Variants in FLT1 observed in about 807,000 individuals in gnomAD.
FLT1 encodes the protein fms related receptor tyrosine kinase 1.
Under a neutral mutation model 156.3 loss-of-function variants are expected in FLT1, and 49 were observed. The ratio of observed to expected loss-of-function variants is 0.31; its 90% CI spans 0.25 to 0.40. FLT1 has a LOEUF of 0.40. Among genes scored for constraint, FLT1 ranks in the 10% least tolerant of loss-of-function variants. The probability of loss-of-function intolerance (pLI) is 1.00; values close to 1 mark genes in which losing one functional copy is unlikely to be tolerated. For missense variants in FLT1, 1,322 were observed against 1,637.2 expected, an observed-to-expected ratio of 0.81 and a Z score of 3.32; for synonymous variants, 594 against 583.8, an observed-to-expected ratio of 1.02 and a Z score of -0.25.
chr13:28,371,822 G>A (rs1873582568), intron 14 of FLT1, among the ~76,000 whole-genome samples: 1 of 151,902 alleles, frequency 6.6e-6, no homozygotes, highest in Admixed American at 6.6e-5. Context: ...ATAATCTGAG[G>A]TGTCAGGCAT....
intron 10 of FLT1, among the ~76,000 whole-genome samples, chr13:28,416,773 T>C (rs1372807898): frequency 6.6e-6 from 1 of 152,214 alleles, no homozygotes; most frequent in Admixed American, 6.5e-5. Flanking sequence ...GTACCAATTT[T>C]TGTTTTCCTC....
At position 28,439,952 on chromosome 13, in the gene FLT1, G is replaced by A. The variant is rs1220706616; in HGVS notation, c.389-1607C>T. On this transcript the variant is annotated intron_variant, in intron 3 of 29. Coordinates refer to ENST00000282397, the MANE Select transcript of FLT1 (RefSeq NM_002019.4). This position sits in a 1 kb window ranked among gnomAD's most constrained non-coding sequence, Gnocchi z 4.1. Reference sequence around the variant, plus strand: ...GCTGTAGCCTGCTGAAGATGGGATAGTTTTCTGCACAGCAGTGTGGAATGG... The same window carrying A: ...GCTGTAGCCTGCTGAAGATGGGATAATTTTCTGCACAGCAGTGTGGAATGG... Among the ~76,000 whole-genome samples, 1 of 152,226 alleles carries A rather than the reference G, an allele frequency of 6.6e-6. No homozygotes were observed. Among genetic ancestry groups the A allele is most frequent in the African/African-American group, 2.4e-5 (1 of 41,460 alleles).
chr13:28,324,546 C>T (rs1234051375), intron 20 of FLT1, among the ~76,000 whole-genome samples: 1 of 152,254 alleles, frequency 6.6e-6, no homozygotes, highest in Non-Finnish European at 1.5e-5. Flanking sequence ...TGAATACCCA[C>T]TGCCATTGCA....
chr13:28,331,193 T>C lies in FLT1; in HGVS notation c.2594-1465A>G, dbSNP rs58376935. On this transcript the variant is annotated intron_variant, in intron 18 of 29. Transcript: ENST00000282397. ...GGGTTAGAGGTATGTGCATTTAACA[T>C]TGTGGTAGATACCAACATGGTATTT... Among the ~76,000 whole-genome samples the C allele has an allele frequency of 6.5e-3, 996 of 152,376 alleles. 10 individuals carry two copies. The highest frequency in any genetic ancestry group is 0.022 in the African/African-American group (914 of 41,578).
At position 28,300,525 on chromosome 13, in the gene FLT1, A is replaced by ACACCCACC. The variant is rs1050346284; in HGVS notation, c.*2641_*2642insGGTGGGTG. On this transcript the variant is annotated 3_prime_UTR_variant, in exon 30 of 30. Coordinates refer to ENST00000282397, the MANE Select transcript of FLT1 (RefSeq NM_002019.4). The stretch of plus-strand genomic sequence containing the variant: ...ATGCACAAAACACACATACACCCAC[A>ACACCCACC]CACACACACACACACACACACACAC... 9.3e-5 allele frequency: 2 copies of ACACCCACC among 21,528 alleles called. No individual in the cohort carries two copies. The highest frequency in any genetic ancestry group is 5.3e-4 in the East Asian group (1 of 1,882). The allele number at this position is 21,528 out of a possible 1,614,324, so 1.3% of individuals were successfully genotyped here.
chr13:28,376,685 G>C (rs571459636), intron 14 of FLT1, among the ~76,000 whole-genome samples: 1 of 152,208 alleles, frequency 6.6e-6, no homozygotes, highest in Non-Finnish European at 1.5e-5. Flanking sequence ...ACTGTGAAGA[G>C]GGTTGCCAGT....
chr13:28,318,284 C>G (rs1275704571), intron 24 of FLT1, among the ~76,000 whole-genome samples: 1 of 152,134 alleles, frequency 6.6e-6, no homozygotes, highest in South Asian at 2.1e-4. Context: ...GCTTTGCGCT[C>G]CAGGGCTGGG....
chr13:28,342,964 CTCTCTT>C (rs767995107), intron 16 of FLT1, among the ~76,000 whole-genome samples: 12 of 151,622 alleles, frequency 7.9e-5, no homozygotes, highest in South Asian at 6.3e-4. Context: ...CTCTCTCTCT[CTCTCTT>C]TCTTTCTTTC....
rs1249376868 is a variant in FLT1 at position 28,351,017 on chromosome 13, CT to C, written c.2249-5467del. Among the ~76,000 whole-genome samples the C allele has an allele frequency of 1.0e-4, 15 of 148,210 alleles. No individual in the cohort carries two copies. The South Asian group carries it at 1.3e-3, about 13-fold the overall frequency. On this transcript the variant is annotated intron_variant, in intron 15 of 29. Coordinates refer to ENST00000282397, the MANE Select transcript of FLT1 (RefSeq NM_002019.4). Reference sequence around the variant, plus strand: ...CTACACCCCTTACTCCAACCCTTTTCTTTTTTTTTTCCTTATCACTTTTTGG... The same window carrying C: ...CTACACCCCTTACTCCAACCCTTTTCTTTTTTTTTCCTTATCACTTTTTGG...
rs1003714945 is a variant in FLT1, at chr13:28,494,867, G to C, written c.-24C>G. The C allele has an allele frequency of 3.9e-6, 6 of 1,519,770 alleles. No individual in the cohort carries two copies. The African/African-American group carries it at 7.2e-5, about 18-fold the overall frequency. The allele number at this position is 1,519,770 out of a possible 1,614,324, so 94.1% of individuals were successfully genotyped here. A position where few individuals can be genotyped will look rare whatever the true frequency, so the allele number is the denominator to read the frequency against. On this transcript the variant is annotated 5_prime_UTR_variant, in exon 1 of 30. Coordinates refer to ENST00000282397, the MANE Select transcript of FLT1 (RefSeq NM_002019.4). ...ATGGTGAGCGCGACGCGGCCTGCTC[G>C]CCCGGTGCCCGCGCTCCCCGCGGCC...
chr13:28,308,571 C>T, intron 28 of FLT1: 2 of 455,668 alleles, frequency 4.4e-6, no homozygotes, highest in Non-Finnish European at 8.1e-6. Flanking sequence ...GACAGCTAAG[C>T]AGCTTAGAAA....
intron 14 of FLT1, among the ~76,000 whole-genome samples, chr13:28,381,280 T>TG: frequency 6.6e-6 from 1 of 152,306 alleles, no homozygotes; most frequent in Middle Eastern, 3.4e-3. Flanking sequence ...CAGTTGGCCC[T>TG]GTGCGGTGGG....
chr13:28,428,184 A>G (rs879147036), intron 8 of FLT1, among the ~76,000 whole-genome samples: 4 of 152,230 alleles, frequency 2.6e-5, no homozygotes, highest in Admixed American at 2.6e-4. Flanking sequence ...GCCCACAGGC[A>G]TACTGGTGGC....
chr13:28,361,332 A>G (rs796070496), intron 14 of FLT1, among the ~76,000 whole-genome samples: 4 of 152,092 alleles, frequency 2.6e-5, no homozygotes, highest in African/African-American at 9.6e-5. Context: ...AACACCTACA[A>G]TCTCACCTCC....
At chr13:28,345,314 C>G (rs1593697190) in intron 16 of FLT1, 131 bp downstream of exon 16, 3 of 684,018 alleles carry the variant, frequency 4.4e-6, no homozygotes, top group East Asian at 2.7e-5. Context: ...CTGTGTTCAC[C>G]AGGTCAGAGA....
chr13:28,372,326 C>T (rs1282019740), intron 14 of FLT1, among the ~76,000 whole-genome samples: 2 of 149,142 alleles, frequency 1.3e-5, no homozygotes, highest in East Asian at 2.0e-4. Flanking sequence ...AGGCAATCTG[C>T]CTGCCTCAGC....
At chr13:28,355,749 T>C (rs1217763977) in intron 15 of FLT1, among the ~76,000 whole-genome samples, 1 of 152,148 alleles carries the variant, frequency 6.6e-6, no homozygotes, top group Non-Finnish European at 1.5e-5. Context: ...TAATCCAATC[T>C]GGAAGGCCCC....
chr13:28,309,959 G>A (rs1300293480), intron 27 of FLT1, among the ~76,000 whole-genome samples: 1 of 128,968 alleles, frequency 7.8e-6, no homozygotes, highest in Admixed American at 1.0e-4. Flanking sequence ...GCACGATCTC[G>A]GCTCACTGAA....
At chr13:28,445,661 TAAC>T (rs140487705) in intron 3 of FLT1, among the ~76,000 whole-genome samples, 99 of 151,792 alleles carry the variant, frequency 6.5e-4, no homozygotes, top group Non-Finnish European at 1.1e-3. Context: ...GATTGAATTG[TAAC>T]AACAACAACA....
Sources: allele counts gnomAD v4.1 joint callset (sites outside exome capture counted in the v4.1 genomes callset), GRCh38; gene constraint gnomAD v4.1.1; non-coding constraint Gnocchi (gnomAD v3.1); transcripts MANE v1.5; gene names NCBI Gene and HGNC (gene_info 2026-07-23, HGNC 2026-07-21).